Variants in CTNNA2 observed in about 807,000 individuals in gnomAD.
CTNNA2 encodes catenin alpha 2, also known as catenin alpha-2.
Under a neutral mutation model 101.0 loss-of-function variants are expected in CTNNA2, and 42 were observed. The ratio of observed to expected loss-of-function variants is 0.42; its 90% CI spans 0.32 to 0.54. The LOEUF (loss-of-function observed/expected upper bound fraction) is 0.54. Among genes scored for constraint, CTNNA2 ranks in the 20% least tolerant of loss-of-function variants. The pLI is 0.14. For synonymous variants in CTNNA2, 450 were observed against 456.4 expected, an observed-to-expected ratio of 0.99 and a Z score of 0.18; for missense variants, 871 against 1,223.1, an observed-to-expected ratio of 0.71 and a Z score of 4.29.
intron 4 of CTNNA2, among the ~76,000 whole-genome samples, chr2:79,862,268 A>T (rs2103975612): frequency 6.6e-6 from 1 of 152,226 alleles, no homozygotes; most frequent in South Asian, 2.1e-4. Flanking sequence ...CTTCTCCAGA[A>T]GTCAAGTTTC....
At chr2:80,557,670 G>A (rs1260172824) in intron 12 of CTNNA2, among the ~76,000 whole-genome samples, 1 of 152,126 alleles carries the variant, frequency 6.6e-6, no homozygotes, top group Non-Finnish European at 1.5e-5. Context: ...GATAACTCAG[G>A]CACTGTTCAA....
At chr2:80,488,557 A>G (rs28469601) in intron 9 of CTNNA2, among the ~76,000 whole-genome samples, 4,696 of 152,288 alleles carry the variant, frequency 0.031, 160 homozygotes, top group African/African-American at 0.082. Context: ...GCAAAGAGTT[A>G]AAATCAATGC....
chr2:79,829,412 C>CACACACACAT (rs1678713752), intron 3 of CTNNA2, among the ~76,000 whole-genome samples: 1 of 127,212 alleles, frequency 7.9e-6, no homozygotes, highest in Admixed American at 7.8e-5. Flanking sequence ...CACACACACA[C>CACACACACAT]ACAGACACAA....
chr2:79,549,394 TAC>T (rs1673944974), intron 1 of CTNNA2, among the ~76,000 whole-genome samples: 2 of 152,202 alleles, frequency 1.3e-5, no homozygotes, highest in South Asian at 4.1e-4. Context: ...CCAATTAACT[TAC>T]AGTCATTTAC....
upstream of CTNNA2, among the ~76,000 whole-genome samples, chr2:79,509,141 T>C (rs1384906246): frequency 6.6e-6 from 1 of 151,758 alleles, no homozygotes; most frequent in African/African-American, 2.4e-5. Context: ...AAGGAATACA[T>C]AAAACGACAA....
At chr2:80,219,526 A>G (rs1306647184) in intron 7 of CTNNA2, among the ~76,000 whole-genome samples, 4 of 152,094 alleles carry the variant, frequency 2.6e-5, no homozygotes, top group South Asian at 2.1e-4. Flanking sequence ...TTAAATATAT[A>G]CTACCTAATT....
chr2:79,345,600 A>G (rs1400214348), intron 3 of CTNNA2, among the ~76,000 whole-genome samples: 1 of 152,178 alleles, frequency 6.6e-6, no homozygotes, highest in East Asian at 1.9e-4. Flanking sequence ...TAAATATCTG[A>G]CAAAGCTTAA....
At chr2:80,008,755 A>T (rs1693558712) in intron 7 of CTNNA2, among the ~76,000 whole-genome samples, 1 of 152,092 alleles carries the variant, frequency 6.6e-6, no homozygotes, top group African/African-American at 2.4e-5. Context: ...TGGCACTACC[A>T]CCCTCAGTGG....
intron 1 of CTNNA2, among the ~76,000 whole-genome samples, chr2:79,541,427 C>CACACATAT (rs1485339148): frequency 7.0e-6 from 1 of 142,794 alleles, no homozygotes; most frequent in African/African-American, 2.6e-5. Flanking sequence ...CGCACACACA[C>CACACATAT]ATATATATAT....
chr2:79,916,538 TCCCCTCCCCTCCC>T (rs1686221473), intron 7 of CTNNA2, among the ~76,000 whole-genome samples: 1 of 6,924 alleles, frequency 1.4e-4, no homozygotes, highest in Non-Finnish European at 2.2e-4. Context: ...TCCCCTCCCC[TCCCCTCCCCTCCC>T]CTCCCCTCCC....
intron 9 of CTNNA2, among the ~76,000 whole-genome samples, chr2:80,522,508 T>C (rs560465542): frequency 2.2e-4 from 34 of 152,282 alleles, no homozygotes; most frequent in Non-Finnish European, 4.4e-4. Context: ...CTGTTAAAGG[T>C]GACGGGACTT....
At chr2:79,287,469 A>G (rs906557613) in intron 2 of CTNNA2, among the ~76,000 whole-genome samples, 8 of 151,888 alleles carry the variant, frequency 5.3e-5, no homozygotes, top group African/African-American at 1.9e-4. Context: ...GTTTTCCTTC[A>G]AACAGACAGG....
chr2:79,216,411 A>C (rs1255810703), intron 2 of CTNNA2, among the ~76,000 whole-genome samples: 1 of 151,668 alleles, frequency 6.6e-6, no homozygotes, highest in Non-Finnish European at 1.5e-5. Flanking sequence ...TGCGGAAATA[A>C]AGGGTTGGGG....
At chr2:80,422,934 G>T (rs1214864977) in intron 9 of CTNNA2, among the ~76,000 whole-genome samples, 1 of 151,956 alleles carries the variant, frequency 6.6e-6, no homozygotes, top group Non-Finnish European at 1.5e-5. Flanking sequence ...GGTCAGTTTT[G>T]TTAATTTGCC....
At chr2:79,315,629 G>C (rs1573069039) in intron 3 of CTNNA2, among the ~76,000 whole-genome samples, 2 of 152,040 alleles carry the variant, frequency 1.3e-5, no homozygotes, top group Admixed American at 1.3e-4. Context: ...TTTATGGATA[G>C]AGCACATTTG....
At chr2:79,752,442 A>G (rs1270973475) in intron 3 of CTNNA2, among the ~76,000 whole-genome samples, 4 of 152,218 alleles carry the variant, frequency 2.6e-5, no homozygotes, top group Non-Finnish European at 4.4e-5. Flanking sequence ...GTCATTAATT[A>G]TATTCAAAAG....
chr2:80,611,006 GTT>G (rs3836002), intron 17 of CTNNA2, among the ~76,000 whole-genome samples: 33,766 of 146,668 alleles, frequency 0.23, 5,355 homozygotes, highest in African/African-American at 0.46. Flanking sequence ...TGGCAATTAG[GTT>G]TTTTTTTTTG....
intron 7 of CTNNA2, among the ~76,000 whole-genome samples, chr2:79,913,242 A>C (rs1685938518): frequency 6.6e-6 from 1 of 152,238 alleles, no homozygotes; most frequent in South Asian, 2.1e-4. Flanking sequence ...GTGCGTTGAA[A>C]GGATGACATT....
intron 7 of CTNNA2, among the ~76,000 whole-genome samples, chr2:80,285,495 G>A (rs899314145): frequency 1.3e-5 from 2 of 152,180 alleles, no homozygotes; most frequent in Non-Finnish European, 2.9e-5. Flanking sequence ...TTACCTCAGA[G>A]TGATTTCTGT....
Sources: gnomAD v4.1 joint callset for allele counts (sites outside exome capture counted in the v4.1 genomes callset) on GRCh38, gnomAD v4.1.1 for gene constraint, MANE v1.5 for transcripts, NCBI Gene and HGNC (gene_info 2026-07-23, HGNC 2026-07-21) for gene names.